Variants in HMBOX1 observed in about 807,000 individuals in gnomAD.
The protein encoded by HMBOX1 is homeobox-containing protein 1.
A neutral mutation model predicts 54.5 loss-of-function variants in HMBOX1; 14 were observed. The observed-to-expected ratio is 0.26, with a 90% CI of 0.17 to 0.40. The LOEUF (loss-of-function observed/expected upper bound fraction) is 0.40, where lower values mean the gene tolerates loss of function less well. Among genes scored for constraint, HMBOX1 ranks in the 10% least tolerant of loss-of-function variants. The pLI is 1.00. For synonymous variants in HMBOX1, 160 were observed against 181.0 expected (o/e 0.88, Z 0.93); for missense variants, 332 against 514.4 (o/e 0.65, Z 3.43).
chr8:29,008,319 A>T (rs911264296), intron 4 of HMBOX1, among the ~76,000 whole-genome samples: 1 of 152,192 alleles, frequency 6.6e-6, no homozygotes, highest in African/African-American at 2.4e-5. Flanking sequence ...TTTACTTTCA[A>T]ATGTAGAGAT....
intron 6 of HMBOX1, among the ~76,000 whole-genome samples, chr8:29,043,233 C>T (rs951826424): frequency 6.6e-6 from 1 of 152,172 alleles, no homozygotes; most frequent in Non-Finnish European, 1.5e-5. Context: ...GCCCAGAGTC[C>T]TCAAAAGCTT....
At chr8:28,890,747 A>C (rs1810723017) in intron 1 of HMBOX1, 69 bp downstream of exon 1, 1 of 152,614 alleles carries the variant, frequency 6.6e-6, no homozygotes, top group Non-Finnish European at 1.5e-5. Context: ...TTCACTTAAA[A>C]CAATTTTTTT....
Position 29,051,242 on chromosome 8 carries a change from G to A in HMBOX1, c.*87G>A, listed in dbSNP as rs1806396463. 6.2e-6 allele frequency: 9 copies of A among 1,445,630 alleles called. No homozygotes were observed. In the Admixed American group the frequency reaches 1.3e-4, roughly 21 times the overall value. The allele number at this position is 1,445,630 out of a possible 1,614,324, so 89.6% of individuals were successfully genotyped here. On this transcript the variant is annotated 3_prime_UTR_variant, in exon 10 of 10. Transcript: ENST00000287701. ...TCGGTCCTTAACATGTGTTCTTACAGTATAACTTGCAGTTTCTTGTATGTC... is the reference window on the plus strand; with the variant it reads ...TCGGTCCTTAACATGTGTTCTTACAATATAACTTGCAGTTTCTTGTATGTC...
rs1301653244 is a variant in HMBOX1, at chr8:29,046,641, C to G, written c.935-717C>G. 2.0e-5 allele frequency among the ~76,000 whole-genome samples: 3 copies of G among 152,274 alleles called. No homozygotes were observed. The East Asian group carries it at 5.8e-4, about 29-fold the overall frequency. ...AGCAGGTAATTAGTTAACATAAGGC[C>G]TTAAAGATGTAAGTAAATTTCTGTT... is the stretch of plus-strand genomic sequence containing the variant. On this transcript the variant is annotated intron_variant, in intron 7 of 9. Transcript: ENST00000287701.
At chr8:28,924,112 G>GT (rs35840505) in intron 1 of HMBOX1, among the ~76,000 whole-genome samples, 192 of 142,670 alleles carry the variant, frequency 1.3e-3, no homozygotes, top group Middle Eastern at 3.6e-3. Flanking sequence ...TTTTTTTTTG[G>GT]TTTTTTTTTT....
chr8:28,899,511 A>G (rs1812806922), intron 1 of HMBOX1, among the ~76,000 whole-genome samples: 1 of 152,216 alleles, frequency 6.6e-6, no homozygotes, highest in East Asian at 1.9e-4. Flanking sequence ...TTCTTTCTTT[A>G]GAGACAATAA....
At chr8:28,988,445 C>A (rs887895224) in intron 4 of HMBOX1, among the ~76,000 whole-genome samples, 4 of 152,158 alleles carry the variant, frequency 2.6e-5, no homozygotes, top group Non-Finnish European at 4.4e-5. Flanking sequence ...TGGGTAAATA[C>A]CCAGGAGTGG....
At chr8:29,045,514 C>CAT (rs1385929110) in intron 7 of HMBOX1, 71 bp downstream of exon 7, 1 of 1,213,586 alleles carries the variant, frequency 8.2e-7, no homozygotes, top group African/African-American at 1.5e-5. Context: ...ATCTAGGACA[C>CAT]TTAATCTTAT....
intron 1 of HMBOX1, chr8:28,915,921 T>G (rs1816457509): frequency 6.6e-6 from 1 of 152,174 alleles, no homozygotes; most frequent in Non-Finnish European, 1.5e-5. Context: ...ATATTACTAT[T>G]TCACATGGAA....
Position 29,027,782 on chromosome 8 carries a change from A to C in HMBOX1, c.851+8869A>C, listed in dbSNP as rs556893202. Among the ~76,000 whole-genome samples, 38 of 152,328 alleles carry C rather than the reference A, an allele frequency of 2.5e-4. 1 individual carries two copies. The South Asian group carries it at 7.9e-3, about 32-fold the overall frequency. The stretch of plus-strand genomic sequence containing the variant: ...TTGTGTGGAAAGGTTACTGATTGCT[A>C]TAATTTTTAATCGAAGTGGCTGAAT... On this transcript the variant is annotated intron_variant, in intron 6 of 9. Transcript: ENST00000287701.
chr8:29,049,386 T>A, intron 9 of HMBOX1: 1 of 1,534,124 alleles, frequency 6.5e-7, no homozygotes, highest in Non-Finnish European at 8.7e-7. Context: ...GAGGATCTGA[T>A]CCAAACAAGC....
intron 1 of HMBOX1, among the ~76,000 whole-genome samples, chr8:28,924,344 C>T (rs765822789): frequency 6.6e-5 from 10 of 151,770 alleles, no homozygotes; most frequent in South Asian, 2.1e-4. Flanking sequence ...CTCCTGACCT[C>T]GTGATCTGCC....
chr8:29,031,179 A>G (rs1335337080), intron 6 of HMBOX1, among the ~76,000 whole-genome samples: 1 of 152,168 alleles, frequency 6.6e-6, no homozygotes, highest in East Asian at 1.9e-4. Context: ...CTAGCTGAGG[A>G]TATCTTCTTC....
At chr8:29,005,178 A>G (rs556528834) in intron 4 of HMBOX1, among the ~76,000 whole-genome samples, 1 of 152,354 alleles carries the variant, frequency 6.6e-6, no homozygotes, top group East Asian at 1.9e-4. Context: ...GTGGAACAAC[A>G]TGTGTAAATA....
chr8:29,036,863 TG>T (rs1330769895), intron 6 of HMBOX1, among the ~76,000 whole-genome samples: 1 of 152,204 alleles, frequency 6.6e-6, no homozygotes, highest in Non-Finnish European at 1.5e-5. Context: ...TGTCCTCCCC[TG>T]CAAAATAAAG....
intron 1 of HMBOX1, among the ~76,000 whole-genome samples, chr8:28,945,329 C>G (rs966497783): frequency 6.6e-6 from 1 of 152,210 alleles, no homozygotes; most frequent in Non-Finnish European, 1.5e-5. Context: ...GATCAAACTG[C>G]TAACAAGTGG....
chr8:28,946,764 C>T (rs1822553654), intron 1 of HMBOX1, among the ~76,000 whole-genome samples: 1 of 152,168 alleles, frequency 6.6e-6, no homozygotes, highest in African/African-American at 2.4e-5. Flanking sequence ...GTCTTGCCAC[C>T]TGTAGTTACA....
At position 29,052,880 on chromosome 8, in the gene HMBOX1, G is replaced by A. The variant is rs7004667; in HGVS notation, c.*1725G>A. 0.86 allele frequency: 130,232 copies of A among 152,162 alleles called. 56,075 individuals are homozygous for A. The highest frequency in any genetic ancestry group is 0.9 in the Middle Eastern group (266 of 294). 9.4% of individuals were successfully genotyped at this position (152,162 alleles called of 1,614,324 possible). On this transcript the variant is annotated 3_prime_UTR_variant, in exon 10 of 10. Coordinates refer to ENST00000287701, the MANE Select transcript of HMBOX1 (RefSeq NM_001135726.3). ...TGTTAAGCACGGCTTCTTTTTGTCC[G>A]TTACCTGAAAACAATTTCTAAGATA...
At chr8:28,938,553 C>A (rs1448641827) in intron 1 of HMBOX1, among the ~76,000 whole-genome samples, 1 of 152,054 alleles carries the variant, frequency 6.6e-6, no homozygotes, top group African/African-American at 2.4e-5. Context: ...CTCAGGTCAT[C>A]CTCCAGCTTC....
Sources: gnomAD v4.1 joint callset for allele counts (sites outside exome capture counted in the v4.1 genomes callset) on GRCh38, gnomAD v4.1.1 for gene constraint, MANE v1.5 for transcripts, NCBI Gene and HGNC (gene_info 2026-07-23, HGNC 2026-07-21) for gene names.